POLR1G: variants seen among roughly 807,000 people sequenced by gnomAD.
POLR1G encodes DNA-directed RNA polymerase I subunit RPA34.
In POLR1G, 9 loss-of-function variants were observed where a neutral mutation model predicts 6.3. The ratio of observed to expected loss-of-function variants is 1.44; its 90% CI spans 0.87 to 2.51. POLR1G has a LOEUF of 2.51. Among genes scored for constraint, POLR1G ranks in the 30% most tolerant of loss-of-function variants. The pLI is 0.00. For synonymous variants in POLR1G, 248 were observed against 256.5 expected (o/e 0.97, Z 0.32); for missense variants, 617 against 632.5 (o/e 0.98, Z 0.26).
Position 45,406,673 on chromosome 19 carries a change from G to T in POLR1G, c.-24G>T, listed in dbSNP as rs762137203. 20 of 1,546,598 alleles carry T rather than the reference G, an allele frequency of 1.3e-5. No homozygotes were observed. The highest frequency in any genetic ancestry group is 1.7e-5 in the Non-Finnish European group (20 of 1,145,366). On this transcript the variant is annotated 5_prime_UTR_variant, in exon 1 of 3. Coordinates refer to ENST00000309424, the MANE Select transcript of POLR1G (RefSeq NM_012099.3). The surrounding 1 kb of genome is among the most constrained non-coding windows in gnomAD (Gnocchi z 4.2). Reference sequence around the variant, plus strand: ...TGGTGCGAGCAGCCCGGGCTACAGGGTTGCCTGAGGTGTGGGTCCCAGGAT... The same window carrying T: ...TGGTGCGAGCAGCCCGGGCTACAGGTTTGCCTGAGGTGTGGGTCCCAGGAT...
At position 45,408,544 on chromosome 19, in the gene POLR1G, T is replaced by A. The variant is rs1306345910; in HGVS notation, c.576T>A (p.Asn192Lys). ...TEAPVTQEAVNGHGALEVDMA... is the reference protein window; with the variant it reads ...TEAPVTQEAVKGHGALEVDMA... ...CCCCAGTCACTCAGGAGGCAGTGAA[T>A]GGGCACGGGGCCCTGGAGGTGGACA... is the stretch of plus-strand genomic sequence containing the variant. The change falls in exon 3 of 3, where the codon AAT becomes AAA. Residue 192 changes from asparagine to lysine, a missense_variant. Asn to Lys is a moderately conservative substitution (Grantham distance 94, BLOSUM62 0). Coordinates refer to ENST00000309424, the MANE Select transcript of POLR1G (RefSeq NM_012099.3). 6.2e-7 allele frequency: 1 copy of A among 1,613,628 alleles called. No individual in the cohort carries two copies. Among genetic ancestry groups the A allele is most frequent in the Admixed American group, 1.7e-5 (1 of 59,994 alleles).
chr19:45,407,073 C>G, intron 1 of POLR1G, 21 bp from the exon 2 acceptor site: 1 of 1,583,630 alleles, frequency 6.3e-7, no homozygotes, highest in Non-Finnish European at 8.6e-7. Flanking sequence ...TCAGTCGACC[C>G]CATTTCCCCT....
Position 45,408,806 on chromosome 19 carries a change from G to A in POLR1G, c.838G>A (p.Glu280Lys). 1 of 1,614,024 alleles carries A rather than the reference G, an allele frequency of 6.2e-7. No homozygotes were observed. The highest frequency in any genetic ancestry group is 8.5e-7 in the Non-Finnish European group (1 of 1,180,012). Residue 280 changes from glutamate (E) to lysine (K), a missense_variant, in exon 3 of 3, where the codon GAA becomes AAA. By Grantham distance (56) the Glu-to-Lys change is moderately conservative (BLOSUM62 1). Transcript: ENST00000309424. ...GGAACAGATTAACACTGAGCCTCTAGAAGACACAGTCCTGTCCCCGACCAA... is the reference window on the plus strand; with the variant it reads ...GGAACAGATTAACACTGAGCCTCTAAAAGACACAGTCCTGTCCCCGACCAA... ...KQEQINTEPL[E>K]DTVLSPTKKR...
chr19:45,408,289 T>C lies in POLR1G; in HGVS notation c.321T>C (p.Cys107=). 4 of 1,613,822 alleles carry C rather than the reference T, an allele frequency of 2.5e-6. No individual in the cohort carries two copies. The highest frequency in any genetic ancestry group is 1.1e-5 in the South Asian group (1 of 91,052). The change falls in exon 3 of 3, where the codon TGT becomes TGC. Residue 107 remains cysteine, a synonymous_variant. Coordinates refer to ENST00000309424, the MANE Select transcript of POLR1G (RefSeq NM_012099.3). ...PSTEAGGGLT[C]ASAPQGTLRI... ...CGGAGGCAGGAGGTGGACTCACCTG[T>C]GCCTCAGCCCCCCAGGGCACCCTAA... is the stretch of plus-strand genomic sequence containing the variant.
At chr19:45,407,319 A>G (rs1050334988) in intron 2 of POLR1G, 84 bp downstream of exon 2, 3 of 1,336,544 alleles carry the variant, frequency 2.2e-6, no homozygotes, top group Non-Finnish European at 3.1e-6. Flanking sequence ...AAAGAATTAG[A>G]GGTGAGTCAC....
rs2123437746 is a variant in POLR1G, at chr19:45,409,576, G to A, written c.*75G>A. On this transcript the variant is annotated 3_prime_UTR_variant, in exon 3 of 3. Transcript: ENST00000309424. ...GGGCCACCAGAAGGTGACACCCCCA[G>A]AATCCCTCCCCAGAGACTGCACCAG... The A allele has an allele frequency of 6.3e-7, 1 of 1,575,064 alleles. No homozygotes were observed. Among genetic ancestry groups the A allele is most frequent in the Non-Finnish European group, 8.6e-7 (1 of 1,160,302 alleles).
rs113025996 is a variant in POLR1G, at chr19:45,408,172, C to T, written c.204C>T (p.Ile68=). The T allele has an allele frequency of 3.1e-6, 5 of 1,609,506 alleles. No homozygotes were observed. Among genetic ancestry groups the T allele is most frequent in the South Asian group, 1.1e-5 (1 of 90,756 alleles). ...ATGTGCCTCTCTCTGGCTCCCAGAT[C>T]GTCAAGGGCAAATTGGCAGGCAAGC... ...GRHVPLSGSQ[I]VKGKLAGKRH... is the part of the protein sequence containing the mutation. The change falls in exon 3 of 3, where the codon ATC becomes ATT. Residue 68 remains isoleucine, a synonymous_variant. Coordinates refer to ENST00000309424, the MANE Select transcript of POLR1G (RefSeq NM_012099.3).
Position 45,409,309 on chromosome 19 carries a change from G to A in POLR1G, c.1341G>A (p.Gly447=), listed in dbSNP as rs947154479. ...PIQPLEPELP[G]EGQPEARATP... The stretch of plus-strand genomic sequence containing the variant: ...AGCCACTAGAGCCTGAACTGCCAGG[G>A]GAGGGACAGCCTGAAGCCAGGGCAA... Residue 447 remains glycine, a synonymous_variant, in exon 3 of 3, where the codon GGG becomes GGA. Transcript: ENST00000309424. 8.7e-6 allele frequency: 14 copies of A among 1,613,988 alleles called. No homozygotes were observed. The East Asian group carries it at 2.2e-4, about 26-fold the overall frequency.
Position 45,406,940 on chromosome 19 carries a change from G to A in POLR1G, c.23-154G>A. ...CCAGGGGTTGGATCGGTGAAATTGA[G>A]GTCGCCCCTGGGGAACAGGTGGGCA... is the stretch of plus-strand genomic sequence containing the variant. On this transcript the variant is annotated intron_variant, in intron 1 of 2. Coordinates refer to ENST00000309424, the MANE Select transcript of POLR1G (RefSeq NM_012099.3). This position sits in a 1 kb window ranked among gnomAD's most constrained non-coding sequence, Gnocchi z 4.2. 1 of 1,111,830 alleles carries A rather than the reference G, an allele frequency of 9.0e-7. No individual in the cohort carries two copies. The highest frequency in any genetic ancestry group is 1.6e-5 in the South Asian group (1 of 60,958). 68.9% of individuals were successfully genotyped at this position (1,111,830 alleles called of 1,614,324 possible).
In POLR1G at chr19:45,408,279, G is replaced by A. The variant is rs980158832; in HGVS notation, c.311G>A (p.Gly104Glu). The A allele has an allele frequency of 1.2e-6, 2 of 1,613,960 alleles. No individual in the cohort carries two copies. The highest frequency in any genetic ancestry group is 2.7e-5 in the African/African-American group (2 of 74,942). The part of the protein sequence containing the change: ...LLAPSTEAGG[G>E]LTCASAPQGT... ...GCCCCCTCAACGGAGGCAGGAGGTG[G>A]ACTCACCTGTGCCTCAGCCCCCCAG... The change falls in exon 3 of 3, where the codon GGA becomes GAA. Residue 104 changes from glycine (G) to glutamate (E), a missense_variant. Gly to Glu is a moderately conservative substitution (Grantham distance 98). Coordinates refer to ENST00000309424, the MANE Select transcript of POLR1G (RefSeq NM_012099.3).
Position 45,406,683 on chromosome 19 carries a change from G to A in POLR1G, c.-14G>A, listed in dbSNP as rs1973373356. 1.3e-6 allele frequency: 2 copies of A among 1,545,050 alleles called. No homozygotes were observed. The highest frequency in any genetic ancestry group is 1.7e-6 in the Non-Finnish European group (2 of 1,144,964). On this transcript the variant is annotated 5_prime_UTR_variant, in exon 1 of 3. It adds an upstream start codon to the 5' untranslated region. Coordinates refer to ENST00000309424, the MANE Select transcript of POLR1G (RefSeq NM_012099.3). The surrounding 1 kb of genome is among the most constrained non-coding windows in gnomAD (Gnocchi z 4.2). ...AGCCCGGGCTACAGGGTTGCCTGAG[G>A]TGTGGGTCCCAGGATGGAGGAGCCC...
At position 45,408,612 on chromosome 19, in the gene POLR1G, A is replaced by G. The variant is rs1568569899; in HGVS notation, c.644A>G (p.Lys215Arg). The G allele has an allele frequency of 7.4e-6, 12 of 1,613,630 alleles. No homozygotes were observed. The highest frequency in any genetic ancestry group is 1.7e-5 in the Admixed American group (1 of 59,990). Residue 215 changes from lysine (K) to arginine (R), a missense_variant, in exon 3 of 3, where the codon AAG becomes AGG. Physicochemically the swap from Lys to Arg is conservative, Grantham distance 26 (BLOSUM62 2). Transcript: ENST00000309424. ...SPEMDVRKKK[K>R]KKNQQLKEPE... ...GAAATGGATGTGCGGAAGAAGAAGA[A>G]GAAAAAAAATCAGCAGCTGAAAGAA...
chr19:45,409,355 A>G lies in POLR1G; in HGVS notation c.1387A>G (p.Arg463Gly). The change falls in exon 3 of 3, where the codon AGG becomes GGG. Residue 463 changes from arginine (R) to glycine (G), a missense_variant. Coordinates refer to ENST00000309424, the MANE Select transcript of POLR1G (RefSeq NM_012099.3). ...ARATPGSTKK[R>G]KKQSQESRMP... is the part of the protein sequence containing the mutation. ...GGCAACTCCGGGATCCACCAAGAAG[A>G]GGAAGAAGCAGAGTCAGGAAAGCCG... is the stretch of plus-strand genomic sequence containing the variant. The G allele has an allele frequency of 1.2e-6, 2 of 1,614,058 alleles. No homozygotes were observed. Among genetic ancestry groups the G allele is most frequent in the Non-Finnish European group, 1.7e-6 (2 of 1,180,012 alleles).
Position 45,409,562 on chromosome 19 carries a change from A to T in POLR1G, c.*61A>T. 4 of 1,573,374 alleles carry T rather than the reference A, an allele frequency of 2.5e-6. No homozygotes were observed. The highest frequency in any genetic ancestry group is 3.4e-6 in the Non-Finnish European group (4 of 1,159,532). On this transcript the variant is annotated 3_prime_UTR_variant, in exon 3 of 3. Coordinates refer to ENST00000309424, the MANE Select transcript of POLR1G (RefSeq NM_012099.3). Reference sequence around the variant, plus strand: ...GAAGGTGCCCACCTGGGCCACCAGAAGGTGACACCCCCAGAATCCCTCCCC... The same window carrying T: ...GAAGGTGCCCACCTGGGCCACCAGATGGTGACACCCCCAGAATCCCTCCCC...
intron 2 of POLR1G, chr19:45,407,460 A>C (rs1022920429): frequency 1.9e-5 from 10 of 521,450 alleles, no homozygotes; most frequent in Non-Finnish European, 2.7e-5. Context: ...AAGGAACTAT[A>C]GTTAAACTTG....
rs1236262026 is a variant in POLR1G, at chr19:45,410,118, ACCT to A, written c.*621_*623del. 2.6e-5 allele frequency: 4 copies of A among 154,152 alleles called. No individual in the cohort carries two copies. The highest frequency in any genetic ancestry group is 6.6e-5 in the Admixed American group (1 of 15,138). The allele number at this position is 154,152 out of a possible 1,614,324, so 9.5% of individuals were successfully genotyped here. On this transcript the variant is annotated 3_prime_UTR_variant, in exon 3 of 3. Coordinates refer to ENST00000309424, the MANE Select transcript of POLR1G (RefSeq NM_012099.3). ...TAGCCAGGATGGTCTCGATCTCCTG[ACCT>A]CCTGATGCGCCTGCCTCAGCCTCCC...
In POLR1G at chr19:45,409,889, A is replaced by ATTT. The variant is rs1184782156; in HGVS notation, c.*390_*391insTTT. The ATTT allele has an allele frequency of 3.4e-5, 8 of 237,676 alleles. No individual in the cohort carries two copies. The highest frequency in any genetic ancestry group is 1.3e-4 in the African/African-American group (3 of 23,542). 14.7% of individuals were successfully genotyped at this position (237,676 alleles called of 1,614,324 possible). ...ACAATCTTTTTAAGTTATTATTATTATTATTATTTTTTTTTTTTTTGAGAT... is the reference window on the plus strand; with the variant it reads ...ACAATCTTTTTAAGTTATTATTATTATTTTTATTATTTTTTTTTTTTTTGAGAT... On this transcript the variant is annotated 3_prime_UTR_variant, in exon 3 of 3. Coordinates refer to ENST00000309424, the MANE Select transcript of POLR1G (RefSeq NM_012099.3).
rs775232610 is a variant in POLR1G, at chr19:45,408,319, C to G, written c.351C>G (p.Ile117Met). 1 of 1,610,080 alleles carries G rather than the reference C, an allele frequency of 6.2e-7. No homozygotes were observed. The highest frequency in any genetic ancestry group is 8.5e-7 in the Non-Finnish European group (1 of 1,177,328). ...CASAPQGTLR[I>M]LEGPQQSLSG... ...CAGCCCCCCAGGGCACCCTAAGGAT[C>G]CTTGAGGGTCCCCAGCAATCCCTGT... Residue 117 changes from isoleucine to methionine, a missense_variant, in exon 3 of 3, where the codon ATC (isoleucine) becomes ATG (methionine). Coordinates refer to ENST00000309424, the MANE Select transcript of POLR1G (RefSeq NM_012099.3).
chr19:45,406,649 G>T lies in POLR1G; in HGVS notation c.-48G>T, dbSNP rs137885906. 4.6e-4 allele frequency: 715 copies of T among 1,546,040 alleles called. 1 individual carries two copies. Among genetic ancestry groups the T allele is most frequent in the Non-Finnish European group, 6.0e-4 (691 of 1,144,566 alleles). On this transcript the variant is annotated 5_prime_UTR_variant, in exon 1 of 3. Transcript: ENST00000309424. The surrounding 1 kb of genome is among the most constrained non-coding windows in gnomAD (Gnocchi z 4.2). ...TTTGGATCCACGTGGTCTGCAACCT[G>T]GTGCGAGCAGCCCGGGCTACAGGGT...
Sources: gnomAD v4.1 joint callset for allele counts on GRCh38, gnomAD v4.1.1 for gene constraint, Gnocchi (gnomAD v3.1) non-coding constraint, MANE v1.5 for transcripts, NCBI Gene and HGNC (gene_info 2026-07-23, HGNC 2026-07-21) for gene names.